The following ZNF536 variants were observed in gnomAD, a reference collection of about 807,000 sequenced individuals.
ZNF536 encodes zinc finger protein 536.
In ZNF536, 13 loss-of-function variants were observed where a neutral mutation model predicts 84.5. The ratio of observed to expected loss-of-function variants is 0.15; its 90% CI spans 0.10 to 0.24. The LOEUF (loss-of-function observed/expected upper bound fraction) is 0.24, where lower values mean the gene tolerates loss of function less well. Among genes scored for constraint, ZNF536 ranks in the 10% least tolerant of loss-of-function variants. The pLI is 1.00. For missense variants in ZNF536, 1,536 were observed against 1,747.5 expected (o/e 0.88, Z 2.16); for synonymous variants, 811 against 742.5 (o/e 1.09, Z -1.50).
At chr19:30,431,787 G>A (rs1254931525) in intron 1 of ZNF536, among the ~76,000 whole-genome samples, 1 of 152,150 alleles carries the variant, frequency 6.6e-6, no homozygotes, top group African/African-American at 2.4e-5. Context: ...GGTTCCCAGG[G>A]CAGGGGCTGT....
At chr19:30,283,089 C>G in intron 1 of ZNF536, among the ~76,000 whole-genome samples, 1 of 152,210 alleles carries the variant, frequency 6.6e-6, no homozygotes, top group East Asian at 1.9e-4. Context: ...GCCACCAGTC[C>G]TACAAATGTA....
intron 1 of ZNF536, among the ~76,000 whole-genome samples, chr19:30,272,777 A>G (rs1183118464): frequency 2.0e-5 from 3 of 152,222 alleles, no homozygotes; most frequent in Non-Finnish European, 4.4e-5. Flanking sequence ...ATAATATTCC[A>G]TTATATGGAT....
At chr19:30,368,136 G>A (rs1164439837), upstream of ZNF536, among the ~76,000 whole-genome samples, 1 of 152,140 alleles carries the variant, frequency 6.6e-6, no homozygotes, top group Admixed American at 6.5e-5. Flanking sequence ...TGACAAGGAA[G>A]AAGCATATAC....
chr19:30,697,740 CGA>C (rs1568682227), intron 1 of ZNF536, among the ~76,000 whole-genome samples: 2 of 152,144 alleles, frequency 1.3e-5, no homozygotes, highest in Admixed American at 6.5e-5. Flanking sequence ...AGGGCAGTGG[CGA>C]TTTCTCAAAA....
chr19:30,398,915 C>G (rs576747614), intron 1 of ZNF536, among the ~76,000 whole-genome samples: 124 of 152,226 alleles, frequency 8.1e-4, no homozygotes, highest in Non-Finnish European at 1.3e-3. Context: ...GATTTATAAT[C>G]CTTTGGGTGT....
intron 2 of ZNF536, among the ~76,000 whole-genome samples, chr19:30,339,683 C>T (rs1485586205): frequency 6.6e-6 from 1 of 152,124 alleles, no homozygotes; most frequent in African/African-American, 2.4e-5. Context: ...AGGTTGGTGA[C>T]ATTGCCAAAT....
In ZNF536 at chr19:30,445,199, G is replaced by A. The variant is rs2052263161; in HGVS notation, c.1637G>A (p.Arg546His). The change falls in exon 2 of 5, where the codon CGC becomes CAC. Residue 546 changes from arginine (R) to histidine (H), a missense_variant. Physicochemically the swap from Arg to His is conservative, Grantham distance 29. Transcript: ENST00000355537. This position sits in a 1 kb window ranked among gnomAD's most constrained non-coding sequence, Gnocchi z 4.5. ...TTGTCTAAAGAGCATCCGCTGCAGCGCAACCACGAAGACACTTTGGCAAAC... is the reference window on the plus strand; with the variant it reads ...TTGTCTAAAGAGCATCCGCTGCAGCACAACCACGAAGACACTTTGGCAAAC... The part of the protein sequence containing the change: ...GFLSKEHPLQ[R>H]NHEDTLANAG... The A allele has an allele frequency of 3.1e-6, 5 of 1,614,176 alleles. No individual in the cohort carries two copies. The highest frequency in any genetic ancestry group is 1.3e-5 in the African/African-American group (1 of 75,058).
intron 1 of ZNF536, among the ~76,000 whole-genome samples, chr19:30,623,669 T>G (rs1158315612): frequency 6.6e-6 from 1 of 152,226 alleles, no homozygotes; most frequent in Non-Finnish European, 1.5e-5. Flanking sequence ...CTGTAGCCTC[T>G]CAGTGAGGCC....
At chr19:30,524,064 C>T (rs377729655) in intron 2 of ZNF536, among the ~76,000 whole-genome samples, 25 of 152,356 alleles carry the variant, frequency 1.6e-4, no homozygotes, top group Admixed American at 1.2e-3. Context: ...GCCAATCCGA[C>T]GGCGGCAGGC....
chr19:30,270,040 A>G (rs1289683016), intron 1 of ZNF536, among the ~76,000 whole-genome samples: 3 of 152,210 alleles, frequency 2.0e-5, no homozygotes, highest in Admixed American at 6.5e-5. Flanking sequence ...ATTTAAAAAT[A>G]CCTACTTCTA....
chr19:30,245,563 C>T (rs1035425805), intron 1 of ZNF536, among the ~76,000 whole-genome samples: 1 of 152,230 alleles, frequency 6.6e-6, no homozygotes, highest in East Asian at 1.9e-4. Flanking sequence ...TGTCCCATGA[C>T]GCATCCTTTG....
At chr19:30,647,724 C>T (rs2049529665) in intron 1 of ZNF536, among the ~76,000 whole-genome samples, 1 of 152,168 alleles carries the variant, frequency 6.6e-6, no homozygotes, top group Non-Finnish European at 1.5e-5. Context: ...TGCTAAGACC[C>T]CAATTTGGAA....
At chr19:30,504,175 A>C (rs2055062705) in intron 2 of ZNF536, among the ~76,000 whole-genome samples, 1 of 151,908 alleles carries the variant, frequency 6.6e-6, no homozygotes, top group South Asian at 2.1e-4. Context: ...TTCTCTCTTC[A>C]ACAGCTTTAA....
chr19:30,621,284 CT>C (rs1291858866), intron 1 of ZNF536, among the ~76,000 whole-genome samples: 2 of 151,990 alleles, frequency 1.3e-5, no homozygotes, highest in East Asian at 3.9e-4. Flanking sequence ...GCAGAGGTGT[CT>C]CTCATAGATC....
At chr19:30,559,925 C>T (rs1203665224), downstream of ZNF536, among the ~76,000 whole-genome samples, 1 of 152,110 alleles carries the variant, frequency 6.6e-6, no homozygotes, top group Non-Finnish European at 1.5e-5. Context: ...GGAAACTTCT[C>T]AAGCTTAGAG....
Position 30,415,284 on chromosome 19 carries a change from C to T in ZNF536, c.-2-28277C>T, listed in dbSNP as rs192441468. On this transcript the variant is annotated intron_variant, in intron 1 of 4. Transcript: ENST00000355537. The stretch of plus-strand genomic sequence containing the variant: ...TTCTCCTCCTCCTGCTCCTCCTCCT[C>T]CTTCTTCTTCTTCTTCTTCTTCTCC... Among the ~76,000 whole-genome samples the T allele has an allele frequency of 1.3e-3, 158 of 120,176 alleles. 1 individual carries two copies. Among genetic ancestry groups the T allele is most frequent in the Non-Finnish European group, 1.9e-3 (115 of 59,138 alleles). 78.8% of individuals were successfully genotyped at this position (120,176 alleles called of 152,430 possible). A position where few individuals can be genotyped will look rare whatever the true frequency, so the allele number is the denominator to read the frequency against.
intron 1 of ZNF536, among the ~76,000 whole-genome samples, chr19:30,233,265 T>G (rs1321456281): frequency 6.6e-6 from 1 of 151,700 alleles, no homozygotes; most frequent in Non-Finnish European, 1.5e-5. Flanking sequence ...ACATGCAAAC[T>G]AAGCAGTGGA....
At chr19:30,660,566 A>C (rs562799146) in intron 1 of ZNF536, among the ~76,000 whole-genome samples, 25 of 152,394 alleles carry the variant, frequency 1.6e-4, no homozygotes, top group African/African-American at 5.5e-4. Flanking sequence ...ATAAATATCT[A>C]TCACCGTTAT....
At chr19:30,227,865 CGCGGAGGGGGCCG>C (rs1176885023), upstream of ZNF536, among the ~76,000 whole-genome samples, 4 of 148,252 alleles carry the variant, frequency 2.7e-5, no homozygotes, top group South Asian at 2.1e-4. Flanking sequence ...GGTGTAGAGG[CGCGGAGGGGGCCG>C]GCGGAGGGGA....
Sources: gnomAD v4.1 joint callset for allele counts (sites outside exome capture counted in the v4.1 genomes callset) on GRCh38, gnomAD v4.1.1 for gene constraint, Gnocchi (gnomAD v3.1) non-coding constraint, MANE v1.5 for transcripts, NCBI Gene and HGNC (gene_info 2026-07-23, HGNC 2026-07-21) for gene names.